SAMD4A: variants seen among roughly 807,000 people sequenced by gnomAD.
SAMD4A encodes the protein sterile alpha motif domain containing 4A, also known as protein Smaug homolog 1.
Under a neutral mutation model 81.3 loss-of-function variants are expected in SAMD4A, and 33 were observed. The ratio of observed to expected loss-of-function variants is 0.41; its 90% CI spans 0.31 to 0.54. The LOEUF is 0.54. Ranked by LOEUF, SAMD4A falls within the 20% of genes least tolerant of loss-of-function variation. The probability of loss-of-function intolerance (pLI) is 0.37; values close to 1 mark genes in which losing one functional copy is unlikely to be tolerated. For synonymous variants in SAMD4A, 389 were observed against 382.1 expected (o/e 1.02, Z -0.21); for missense variants, 854 against 951.1 (o/e 0.90, Z 1.34).
chr14:54,748,300 T>G (rs975846003), intron 4 of SAMD4A, among the ~76,000 whole-genome samples: 1 of 152,112 alleles, frequency 6.6e-6, no homozygotes, highest in Admixed American at 6.6e-5. Context: ...ACTGTAGGAG[T>G]GGCTGAAACA....
At chr14:54,603,461 T>C (rs1348117818) in intron 2 of SAMD4A, among the ~76,000 whole-genome samples, 2 of 152,224 alleles carry the variant, frequency 1.3e-5, no homozygotes, top group African/African-American at 2.4e-5. Context: ...TTCAAGATAG[T>C]AGGAACTGAT....
At chr14:54,582,823 T>TA (rs2033506940) in intron 2 of SAMD4A, among the ~76,000 whole-genome samples, 1 of 152,346 alleles carries the variant, frequency 6.6e-6, no homozygotes, top group East Asian at 1.9e-4. Context: ...GATGAGGACT[T>TA]ACTGCAGCTT....
At chr14:54,623,352 G>A (rs114994698) in intron 2 of SAMD4A, among the ~76,000 whole-genome samples, 2,077 of 152,022 alleles carry the variant, frequency 0.014, 54 homozygotes, top group African/African-American at 0.048. Context: ...ATTGTTTTTA[G>A]TCTCACAAAG....
At chr14:54,660,098 G>A (rs2140462356) in intron 2 of SAMD4A, among the ~76,000 whole-genome samples, 1 of 151,860 alleles carries the variant, frequency 6.6e-6, no homozygotes, top group East Asian at 1.9e-4. Context: ...AAAAAAAAGG[G>A]CCTTTTGTCA....
intron 3 of SAMD4A, among the ~76,000 whole-genome samples, chr14:54,726,403 T>TA (rs1434796596): frequency 1.3e-5 from 2 of 152,122 alleles, no homozygotes; most frequent in African/African-American, 4.8e-5. Context: ...AACCCTGAGC[T>TA]AAAGAACCTG....
intron 2 of SAMD4A, among the ~76,000 whole-genome samples, chr14:54,601,973 C>T (rs983286798): frequency 2.0e-5 from 3 of 152,134 alleles, no homozygotes; most frequent in African/African-American, 7.2e-5. Flanking sequence ...ATCTGGCAAC[C>T]ATGTTGGAGA....
intron 2 of SAMD4A, among the ~76,000 whole-genome samples, chr14:54,665,260 A>G (rs147048467): frequency 1.4e-4 from 22 of 152,264 alleles, no homozygotes; most frequent in Non-Finnish European, 2.4e-4. Context: ...ATCATAAAAC[A>G]GGTATGATCA....
At chr14:54,754,235 T>G (rs1412970824) in intron 6 of SAMD4A, among the ~76,000 whole-genome samples, 2 of 152,192 alleles carry the variant, frequency 1.3e-5, no homozygotes, top group Non-Finnish European at 2.9e-5. Context: ...CAGTGATGTT[T>G]TCCGTGTCCC....
upstream of SAMD4A, among the ~76,000 whole-genome samples, chr14:54,565,373 C>T (rs539603000): frequency 6.6e-6 from 1 of 152,384 alleles, no homozygotes; most frequent in South Asian, 2.1e-4. This position sits in a 1 kb window ranked among gnomAD's most constrained non-coding sequence, Gnocchi z 5.4. Context: ...GGAGTTCGGC[C>T]ACCTCCCCGG....
chr14:54,713,239 T>C (rs953793331), intron 3 of SAMD4A, among the ~76,000 whole-genome samples: 4 of 152,168 alleles, frequency 2.6e-5, no homozygotes, highest in African/African-American at 9.7e-5. Context: ...CGGTCTTAGG[T>C]ACCGAGGTGA....
intron 3 of SAMD4A, among the ~76,000 whole-genome samples, chr14:54,723,838 T>C (rs912247484): frequency 5.3e-5 from 8 of 152,238 alleles, no homozygotes; most frequent in African/African-American, 1.9e-4. Flanking sequence ...CATGAGTGAA[T>C]AAATGAGGTT....
chr14:54,583,930 T>C (rs2033545015), intron 2 of SAMD4A, among the ~76,000 whole-genome samples: 1 of 152,224 alleles, frequency 6.6e-6, no homozygotes, highest in Admixed American at 6.5e-5. Flanking sequence ...CACCTAGTAA[T>C]ATTTTTCATT....
chr14:54,626,805 A>G (rs1049604835), intron 2 of SAMD4A, among the ~76,000 whole-genome samples: 1 of 152,244 alleles, frequency 6.6e-6, no homozygotes, highest in East Asian at 1.9e-4. Context: ...AATAGTTTAC[A>G]GAAGACTTGC....
chr14:54,701,824 C>T (rs752048906), intron 2 of SAMD4A, among the ~76,000 whole-genome samples: 6 of 152,174 alleles, frequency 3.9e-5, no homozygotes, highest in Non-Finnish European at 8.8e-5. Context: ...TTTGGAAACA[C>T]GAATGAGAAT....
At chr14:54,711,665 G>A (rs1271501645) in intron 3 of SAMD4A, among the ~76,000 whole-genome samples, 1 of 152,118 alleles carries the variant, frequency 6.6e-6, no homozygotes, top group Non-Finnish European at 1.5e-5. Flanking sequence ...GGGGTTCGGG[G>A]GAGGACATTG....
rs575703107 is a variant in SAMD4A, at chr14:54,711,249, C to T, written c.715+8669C>T. On this transcript the variant is annotated intron_variant, in intron 3 of 12. Transcript: ENST00000554335. ...CCTTCTGTCATAATCACCTTAGTGA[C>T]ATTTATTGTTACTCTTGCTCCTTTT... is the stretch of plus-strand genomic sequence containing the variant. Among the ~76,000 whole-genome samples, 12 of 152,296 alleles carry T rather than the reference C, an allele frequency of 7.9e-5. No homozygotes were observed. In the South Asian group the frequency reaches 2.5e-3, roughly 32 times the overall value.
intron 2 of SAMD4A, among the ~76,000 whole-genome samples, chr14:54,630,944 G>C (rs1002855863): frequency 3.8e-4 from 57 of 150,844 alleles, no homozygotes; most frequent in Admixed American, 7.9e-4. Context: ...GTGTGTGTGT[G>C]TGTGTGTGTG....
intron 2 of SAMD4A, among the ~76,000 whole-genome samples, chr14:54,634,715 ATCTATCTGTCTGTCTGTCTGTCTG>A (rs2034990055): frequency 8.1e-6 from 1 of 123,500 alleles, no homozygotes; most frequent in African/African-American, 3.1e-5. Context: ...CTATCTATCT[ATCTATCTGTCTGTCTGTCTGTCTG>A]TCTGTCTGTC....
intron 9 of SAMD4A, among the ~76,000 whole-genome samples, chr14:54,772,863 C>G (rs900976994): frequency 6.6e-6 from 1 of 151,796 alleles, no homozygotes; most frequent in African/African-American, 2.4e-5. Context: ...CTCTACCTCA[C>G]GTAGTCAGAT....
Sources: gnomAD v4.1 joint callset for allele counts (sites outside exome capture counted in the v4.1 genomes callset) on GRCh38, gnomAD v4.1.1 for gene constraint, Gnocchi (gnomAD v3.1) non-coding constraint, MANE v1.5 for transcripts, NCBI Gene and HGNC (gene_info 2026-07-23, HGNC 2026-07-21) for gene names.